GALNS: variants seen among roughly 807,000 people sequenced by gnomAD.
GALNS encodes the protein N-acetylgalactosamine-6-sulfatase.
A neutral mutation model predicts 65.9 loss-of-function variants in GALNS; 65 were observed. That is an observed-to-expected ratio of 0.99 (90% CI 0.81 to 1.21). The LOEUF (loss-of-function observed/expected upper bound fraction) is 1.21, where lower values mean the gene tolerates loss of function less well. GALNS is among the 50% of genes most tolerant of loss of function. The pLI, the probability that GALNS is intolerant of heterozygous loss-of-function variation, is 0.00. For synonymous variants in GALNS, 346 were observed against 288.9 expected, an observed-to-expected ratio of 1.20 and a Z score of -2.00; for missense variants, 776 against 700.7, an observed-to-expected ratio of 1.11 and a Z score of -1.21.
intron 6 of GALNS, 95 bp downstream of exon 6, chr16:88,836,106 A>G (rs2143001639): frequency 8.2e-7 from 1 of 1,219,454 alleles, no homozygotes; most frequent in Admixed American, 2.0e-5. Context: ...GGTGAGGTTG[A>G]TGCATTCCTG....
At chr16:88,840,811 C>CT in intron 4 of GALNS, 181 bp downstream of exon 4, 1 of 645,658 alleles carries the variant, frequency 1.5e-6, no homozygotes. Context: ...TGAGATCCTG[C>CT]TGGCAAGGTC....
chr16:88,846,312 T>C (rs961352354), intron 1 of GALNS, among the ~76,000 whole-genome samples: 5 of 152,006 alleles, frequency 3.3e-5, no homozygotes, highest in African/African-American at 1.2e-4. Flanking sequence ...GCAGTCCTTA[T>C]AGGAGACAGG....
At chr16:88,827,079 T>G (rs1218154636) in intron 9 of GALNS, 2 of 591,850 alleles carry the variant, frequency 3.4e-6, no homozygotes, top group African/African-American at 3.7e-5. Context: ...CACCCTTCTC[T>G]GCCTCTGTGG....
chr16:88,829,982 C>T (rs1284926181), intron 9 of GALNS, among the ~76,000 whole-genome samples: 4 of 152,128 alleles, frequency 2.6e-5, no homozygotes, highest in Admixed American at 6.5e-5. Context: ...CCTGTAATCC[C>T]AACACTTTCG....
At chr16:88,846,006 A>C (rs930517032) in intron 1 of GALNS, among the ~76,000 whole-genome samples, 1 of 152,156 alleles carries the variant, frequency 6.6e-6, no homozygotes, top group Non-Finnish European at 1.5e-5. Context: ...CAAACAAAAA[A>C]AGATCATGGC....
chr16:88,824,154 G>A (rs1191399612), intron 11 of GALNS, among the ~76,000 whole-genome samples: 1 of 152,150 alleles, frequency 6.6e-6, no homozygotes, highest in Non-Finnish European at 1.5e-5. Context: ...GCTGGGAGTG[G>A]GTGGGGCTGA....
chr16:88,817,949 C>T, intron 13 of GALNS, 58 bp downstream of exon 13: 1 of 1,395,442 alleles, frequency 7.2e-7, no homozygotes, highest in Non-Finnish European at 9.8e-7. Flanking sequence ...ATCCTGGGCC[C>T]CGGGTGGGTG....
At chr16:88,839,383 C>G (rs147774137) in intron 4 of GALNS, among the ~76,000 whole-genome samples, 1 of 152,244 alleles carries the variant, frequency 6.6e-6, no homozygotes, top group Non-Finnish European at 1.5e-5. Flanking sequence ...ATGGGCAGGA[C>G]GCTACACAAA....
At chr16:88,842,875 T>A (rs1329968871) in intron 1 of GALNS, 46 bp from the exon 2 acceptor site, 1 of 1,607,210 alleles carries the variant, frequency 6.2e-7, no homozygotes, top group Non-Finnish European at 8.5e-7. Context: ...CTTCTGCAGG[T>A]GCTTCTGGCC....
Position 88,832,051 on chromosome 16 carries a change from C to T in GALNS, c.949G>A (p.Gly317Arg), listed in dbSNP as rs556060696. The change falls in exon 9 of 14, where the codon GGG becomes AGG. Residue 317 changes from glycine to arginine, a missense_variant. By Grantham distance (125) the Gly-to-Arg change is moderately radical (BLOSUM62 -2). Coordinates refer to ENST00000268695, the MANE Select transcript of GALNS (RefSeq NM_000512.5). ...LCGKQTTFEGGMREPALAWWP... is the reference protein window; with the variant it reads ...LCGKQTTFEGRMREPALAWWP... ...CATGCGAGGGCAGGCTCCCTCATCC[C>T]TCCTTCAAACGTGGTCTGCTTCCCA... The T allele has an allele frequency of 1.2e-6, 2 of 1,613,890 alleles. No homozygotes were observed. The highest frequency in any genetic ancestry group is 2.7e-5 in the African/African-American group (2 of 74,976).
chr16:88,851,550 TG>T (rs1967509724), intron 1 of GALNS, among the ~76,000 whole-genome samples: 2 of 152,000 alleles, frequency 1.3e-5, no homozygotes, highest in Admixed American at 6.6e-5. Context: ...CGAAGCAGGG[TG>T]GGGCATCGCC....
intron 1 of GALNS, among the ~76,000 whole-genome samples, chr16:88,849,135 G>C (rs1490024872): frequency 6.6e-6 from 1 of 152,096 alleles, no homozygotes; most frequent in South Asian, 2.1e-4. Context: ...ATTTTTTTGA[G>C]ACAGGGTCTC....
chr16:88,835,378 T>G (rs763527731), intron 7 of GALNS, 26 bp from the exon 8 acceptor site: 19 of 1,612,914 alleles, frequency 1.2e-5, no homozygotes, highest in Non-Finnish European at 1.5e-5. Context: ...AAAAGGCATC[T>G]CCATACCTGG....
In GALNS at chr16:88,813,907, T is replaced by C. The variant is rs537113939; in HGVS notation, c.*532A>G. ...GGGGCTCCCCTGAGACAAACGCTTA[T>C]ATGATTGCCCCGTTCCCTTACTGTT... On this transcript the variant is annotated 3_prime_UTR_variant, in exon 14 of 14. Transcript: ENST00000268695. The C allele has an allele frequency of 1.1e-5, 2 of 185,318 alleles. No homozygotes were observed. Among genetic ancestry groups the C allele is most frequent in the African/African-American group, 4.7e-5 (2 of 42,726 alleles). The allele number at this position is 185,318 out of a possible 1,614,324, so 11.5% of individuals were successfully genotyped here.
intron 5 of GALNS, 117 bp downstream of exon 5, chr16:88,837,505 G>C: frequency 9.2e-7 from 1 of 1,091,418 alleles, no homozygotes; most frequent in South Asian, 1.3e-5. Flanking sequence ...CGGGGACCCA[G>C]GGACAGACCA....
At chr16:88,817,195 C>G (rs1482820204) in intron 13 of GALNS, 1 of 985,394 alleles carries the variant, frequency 1.0e-6, no homozygotes, top group Non-Finnish European at 1.2e-6. Flanking sequence ...AAGCAGGGGA[C>G]AGAAAAGCTG....
intron 1 of GALNS, among the ~76,000 whole-genome samples, chr16:88,852,657 C>T (rs896236154): frequency 7.9e-5 from 12 of 152,130 alleles, no homozygotes; most frequent in African/African-American, 2.9e-4. Context: ...AGACGAATGG[C>T]TAACTAGAAT....
chr16:88,844,940 T>C (rs1967173081), intron 1 of GALNS: 1 of 152,272 alleles, frequency 6.6e-6, no homozygotes, highest in Admixed American at 6.5e-5. Flanking sequence ...AATAAAACTT[T>C]ATTCATCAAC....
chr16:88,855,362 G>C (rs1967759322), intron 1 of GALNS: 1 of 701,610 alleles, frequency 1.4e-6, no homozygotes, highest in African/African-American at 1.8e-5. Context: ...CTGAAACAAA[G>C]TATCTACACT....
Sources: allele counts gnomAD v4.1 joint callset (sites outside exome capture counted in the v4.1 genomes callset), GRCh38; gene constraint gnomAD v4.1.1; transcripts MANE v1.5; gene names NCBI Gene and HGNC (gene_info 2026-07-23, HGNC 2026-07-21).